GBE1: variants seen among roughly 807,000 people sequenced by gnomAD.
The protein encoded by GBE1 is 1,4-alpha-glucan-branching enzyme.
GBE1 carries 70 observed loss-of-function variants against 88.8 expected under a neutral mutation model. That is an observed-to-expected ratio of 0.79 (90% CI 0.65 to 0.96). The LOEUF is 0.96. Among genes scored for constraint, GBE1 ranks in the 40% least tolerant of loss-of-function variants. GBE1 has a pLI of 0.00. For missense variants in GBE1, 872 were observed against 871.0 expected (o/e 1.00, Z -0.01); for synonymous variants, 284 against 300.1 (o/e 0.95, Z 0.56).
intron 7 of GBE1, chr3:81,613,062 G>A: frequency 1.4e-6 from 1 of 696,580 alleles, no homozygotes. Context: ...AGAGGAGGAT[G>A]AAGGAGAAGA....
At chr3:81,710,852 A>G (rs747531873) in intron 1 of GBE1, among the ~76,000 whole-genome samples, 1 of 152,154 alleles carries the variant, frequency 6.6e-6, no homozygotes, top group Non-Finnish European at 1.5e-5. Flanking sequence ...AATGCTTTCC[A>G]TTTTTTTCCT....
Position 81,532,129 on chromosome 3 carries a change from GTCTT to G in GBE1, c.1934+3062_1934+3065del, listed in dbSNP as rs112031345. On this transcript the variant is annotated intron_variant, in intron 14 of 15. Coordinates refer to ENST00000429644, the MANE Select transcript of GBE1 (RefSeq NM_000158.4). ...GGGTTGGTATAGGGAATTCAAGACT[GTCTT>G]TCTTACCCTCTTCTGTGCCTCTTTG... is the stretch of plus-strand genomic sequence containing the variant. Among the ~76,000 whole-genome samples, 452 of 151,944 alleles carry G rather than the reference GTCTT, an allele frequency of 3.0e-3. 1 individual carries two copies. The highest frequency in any genetic ancestry group is 0.01 in the African/African-American group (415 of 41,460).
intron 14 of GBE1, among the ~76,000 whole-genome samples, chr3:81,520,230 GGAAAC>G (rs1354736700): frequency 6.6e-5 from 10 of 151,340 alleles, no homozygotes; most frequent in Non-Finnish European, 1.5e-4. Flanking sequence ...GAAAGTTTGT[GGAAAC>G]CCTGGCTGGG....
intron 7 of GBE1, among the ~76,000 whole-genome samples, chr3:81,631,454 TG>T (rs938057184): frequency 5.3e-5 from 8 of 151,902 alleles, no homozygotes; most frequent in African/African-American, 1.7e-4. Context: ...AATTTAACAA[TG>T]ACCAGGCGTG....
Position 81,751,551 on chromosome 3 carries a change from C to T in GBE1, c.143+9824G>A, listed in dbSNP as rs546071826. 7.9e-4 allele frequency among the ~76,000 whole-genome samples: 121 copies of T among 152,328 alleles called. 1 individual carries two copies. In the South Asian group the frequency reaches 0.02, roughly 25 times the overall value. On this transcript the variant is annotated intron_variant, in intron 1 of 15. Transcript: ENST00000429644. ...CTAAAAAAGACATAGTAAGCTAGCA[C>T]GTGTTCCAGCTAGAAACATGGATGT...
intron 1 of GBE1, among the ~76,000 whole-genome samples, chr3:81,732,184 T>C (rs1706197444): frequency 1.3e-5 from 2 of 152,176 alleles, no homozygotes; most frequent in Middle Eastern, 6.8e-3. Context: ...ACTATGAGAA[T>C]TACATTAAGC....
intron 6 of GBE1, among the ~76,000 whole-genome samples, chr3:81,644,028 A>G (rs573225743): frequency 6.6e-6 from 1 of 152,260 alleles, no homozygotes; most frequent in Admixed American, 6.5e-5. Context: ...AACATGTTCA[A>G]TAATAAACAG....
At chr3:81,737,318 T>G (rs1706271742) in intron 1 of GBE1, among the ~76,000 whole-genome samples, 1 of 115,560 alleles carries the variant, frequency 8.7e-6, no homozygotes. Context: ...TATTTATATA[T>G]ATTTATATAT....
chr3:81,612,188 G>A, intron 7 of GBE1: 1 of 305,482 alleles, frequency 3.3e-6, no homozygotes, highest in Admixed American at 5.6e-5. Flanking sequence ...CTAAAATCAT[G>A]CCACTTTTAC....
At chr3:81,494,716 T>G (rs1702479647) in intron 15 of GBE1, among the ~76,000 whole-genome samples, 1 of 152,170 alleles carries the variant, frequency 6.6e-6, no homozygotes, top group South Asian at 2.1e-4. Context: ...AGAGTCAGAA[T>G]AGCACAGTAC....
intron 11 of GBE1, among the ~76,000 whole-genome samples, chr3:81,580,877 T>C (rs1703718671): frequency 6.6e-6 from 1 of 152,218 alleles, no homozygotes. Context: ...AGGGAAAACA[T>C]ATAATACTTG....
chr3:81,756,644 A>G (rs1311153073), intron 1 of GBE1, among the ~76,000 whole-genome samples: 2 of 152,200 alleles, frequency 1.3e-5, no homozygotes, highest in African/African-American at 2.4e-5. Context: ...GGACCCCTCA[A>G]CCAGCCCAGA....
At position 81,702,253 on chromosome 3, in the gene GBE1, C is replaced by A. The variant is rs116397843; in HGVS notation, c.313+3191G>T. ...TGTGTTCACTAAAGTCATACTGACC[C>A]ACGTGTATATCTTTTTTTACAAAGA... On this transcript the variant is annotated intron_variant, in intron 2 of 15. Coordinates refer to ENST00000429644, the MANE Select transcript of GBE1 (RefSeq NM_000158.4). Among the ~76,000 whole-genome samples the A allele has an allele frequency of 4.3e-3, 658 of 151,540 alleles. 4 individuals carry two copies. The highest frequency in any genetic ancestry group is 0.011 in the African/African-American group (458 of 41,354).
chr3:81,717,588 G>A (rs911899642), intron 1 of GBE1, among the ~76,000 whole-genome samples: 1 of 152,164 alleles, frequency 6.6e-6, no homozygotes, highest in African/African-American at 2.4e-5. Context: ...AATGGAGAGG[G>A]AGGTTAAAGA....
At chr3:81,499,377 C>T in intron 14 of GBE1, 150 bp from the exon 15 acceptor site, 2 of 660,958 alleles carry the variant, frequency 3.0e-6, no homozygotes. Flanking sequence ...AGTTTTATGT[C>T]TGAAAGGGGC....
At chr3:81,647,710 T>G (rs1204105075) in intron 5 of GBE1, among the ~76,000 whole-genome samples, 2 of 152,194 alleles carry the variant, frequency 1.3e-5, no homozygotes, top group African/African-American at 4.8e-5. Flanking sequence ...AAGCTCATTG[T>G]TAATGGCAGT....
intron 1 of GBE1, among the ~76,000 whole-genome samples, chr3:81,736,838 TGTTACATACCA>T (rs1406898360): frequency 6.6e-6 from 1 of 152,104 alleles, no homozygotes; most frequent in Non-Finnish European, 1.5e-5. Flanking sequence ...AAAATGTAAT[TGTTACATACCA>T]TTCACCCAAG....
intron 14 of GBE1, among the ~76,000 whole-genome samples, chr3:81,525,721 G>C (rs533740317): frequency 1.3e-5 from 2 of 152,116 alleles, no homozygotes; most frequent in Non-Finnish European, 2.9e-5. Flanking sequence ...CCTGTTATTG[G>C]TCTATTCAGA....
intron 2 of GBE1, among the ~76,000 whole-genome samples, chr3:81,695,138 T>C (rs1403821748): frequency 1.3e-5 from 2 of 152,332 alleles, no homozygotes; most frequent in Non-Finnish European, 2.9e-5. Flanking sequence ...GAGAAGTTGA[T>C]TGGTGAGCCA....
Sources: allele counts gnomAD v4.1 joint callset (sites outside exome capture counted in the v4.1 genomes callset), GRCh38; gene constraint gnomAD v4.1.1; transcripts MANE v1.5; gene names NCBI Gene and HGNC (gene_info 2026-07-23, HGNC 2026-07-21).